HSPA12A: variants seen among roughly 807,000 people sequenced by gnomAD.
HSPA12A encodes heat shock protein family A (Hsp70) member 12A.
Under a neutral mutation model 69.2 loss-of-function variants are expected in HSPA12A, and 28 were observed. That is an observed-to-expected ratio of 0.40 (90% CI 0.30 to 0.55). The LOEUF (loss-of-function observed/expected upper bound fraction) is 0.55, where lower values mean the gene tolerates loss of function less well. Ranked by LOEUF, HSPA12A falls within the 20% of genes least tolerant of loss-of-function variation. The pLI is 0.38. For synonymous variants in HSPA12A, 345 were observed against 370.5 expected, an observed-to-expected ratio of 0.93 and a Z score of 0.79; for missense variants, 686 against 900.7, an observed-to-expected ratio of 0.76 and a Z score of 3.05.
chr10:116,801,177 A>C (rs1844947859), intron 2 of HSPA12A, among the ~76,000 whole-genome samples: 1 of 152,248 alleles, frequency 6.6e-6, no homozygotes, highest in African/African-American at 2.4e-5. Context: ...ATCCAGAACA[A>C]ACATGTGCAT....
At chr10:116,825,699 G>A (rs1421242177) in intron 2 of HSPA12A, among the ~76,000 whole-genome samples, 2 of 152,188 alleles carry the variant, frequency 1.3e-5, no homozygotes, top group Non-Finnish European at 2.9e-5. Flanking sequence ...GGCTGGGATT[G>A]GTGGGGGAAA....
At chr10:116,820,387 C>T (rs943073853) in intron 2 of HSPA12A, among the ~76,000 whole-genome samples, 1 of 152,164 alleles carries the variant, frequency 6.6e-6, no homozygotes, top group South Asian at 2.1e-4. Flanking sequence ...ACTGTGATCA[C>T]CTGGTCAGGG....
intron 2 of HSPA12A, among the ~76,000 whole-genome samples, chr10:116,802,173 G>A (rs970470430): frequency 6.6e-6 from 1 of 152,038 alleles, no homozygotes; most frequent in African/African-American, 2.4e-5. Flanking sequence ...GTGTATATGG[G>A]GTGTTCTTTA....
chr10:116,681,747 C>G (rs921516465), intron 8 of HSPA12A, 44 bp downstream of exon 8: 11 of 1,558,352 alleles, frequency 7.1e-6, no homozygotes, highest in Non-Finnish European at 9.7e-6. Context: ...TCACGAGCAG[C>G]ACAGGAAAAT....
At chr10:116,783,609 G>T (rs1844512148) in intron 2 of HSPA12A, among the ~76,000 whole-genome samples, 2 of 152,188 alleles carry the variant, frequency 1.3e-5, no homozygotes, top group African/African-American at 4.8e-5. Context: ...CACATAAACT[G>T]GGGCACATTC....
intron 2 of HSPA12A, among the ~76,000 whole-genome samples, chr10:116,778,624 G>C (rs1227286549): frequency 2.0e-5 from 3 of 152,188 alleles, no homozygotes; most frequent in Non-Finnish European, 4.4e-5. Flanking sequence ...GTCCAGGCTG[G>C]GCATGGAGGC....
intron 2 of HSPA12A, among the ~76,000 whole-genome samples, chr10:116,810,509 C>T (rs929300742): frequency 1.3e-5 from 2 of 152,090 alleles, no homozygotes; most frequent in Non-Finnish European, 2.9e-5. Flanking sequence ...ATATACAGTT[C>T]GTATAAGCAC....
chr10:116,801,056 A>G (rs1844945319), intron 2 of HSPA12A, among the ~76,000 whole-genome samples: 1 of 152,190 alleles, frequency 6.6e-6, no homozygotes, highest in African/African-American at 2.4e-5. Context: ...TACCAAATAA[A>G]TGAGCTATGT....
In HSPA12A at chr10:116,673,759, T is replaced by C. The variant is rs569052933; in HGVS notation, c.*1022A>G. 6.6e-6 allele frequency: 1 copy of C among 152,372 alleles called. No homozygotes were observed. The highest frequency in any genetic ancestry group is 2.1e-4 in the South Asian group (1 of 4,830). The allele number at this position is 152,372 out of a possible 1,614,324, so 9.4% of individuals were successfully genotyped here. On this transcript the variant is annotated 3_prime_UTR_variant, in exon 12 of 12. Transcript: ENST00000369209. ...ATGAAACATTGCATAGCACAGATTCTCTTCCCAAATTTCACCAATGTATTC... is the reference window on the plus strand; with the variant it reads ...ATGAAACATTGCATAGCACAGATTCCCTTCCCAAATTTCACCAATGTATTC...
At position 116,675,222 on chromosome 10, in the gene HSPA12A, C is replaced by T. The variant is rs1554877451; in HGVS notation, c.1587G>A (p.Lys529=). Reference sequence around the variant, plus strand: ...CGTAGGTGAGCGGCGACCGGCGCACCTTGATGACCGCGGGGTCCAGGCCAA... The same window carrying T: ...CGTAGGTGAGCGGCGACCGGCGCACTTTGATGACCGCGGGGTCCAGGCCAA... The part of the protein sequence containing the change: ...VLFGLDPAVI[K]VRRSPLTYGV... Residue 529 remains lysine, a synonymous_variant, in exon 12 of 12, where the codon AAG becomes AAA. Coordinates refer to ENST00000369209, the MANE Select transcript of HSPA12A (RefSeq NM_025015.3). This position sits in a 1 kb window ranked among gnomAD's most constrained non-coding sequence, Gnocchi z 5.2. 6.2e-7 allele frequency: 1 copy of T among 1,613,682 alleles called. No individual in the cohort carries two copies. Among genetic ancestry groups the T allele is most frequent in the Non-Finnish European group, 8.5e-7 (1 of 1,180,018 alleles).
chr10:116,687,222 C>A (rs1849600318), intron 6 of HSPA12A, among the ~76,000 whole-genome samples: 2 of 152,164 alleles, frequency 1.3e-5, no homozygotes, highest in South Asian at 4.1e-4. Flanking sequence ...GCCTCAGCTC[C>A]ACAGCAAAAG....
intron 2 of HSPA12A, among the ~76,000 whole-genome samples, chr10:116,800,872 C>A (rs906277253): frequency 6.6e-6 from 1 of 152,190 alleles, no homozygotes. Context: ...TTGAAAAATT[C>A]TCATTTCTCT....
At chr10:116,780,695 T>C (rs1157487835) in intron 2 of HSPA12A, among the ~76,000 whole-genome samples, 3 of 152,212 alleles carry the variant, frequency 2.0e-5, no homozygotes, top group Non-Finnish European at 4.4e-5. Flanking sequence ...AAAATTATGA[T>C]GCGTGCTTCT....
intron 2 of HSPA12A, among the ~76,000 whole-genome samples, chr10:116,798,409 G>A (rs1292909864): frequency 6.6e-6 from 1 of 152,202 alleles, no homozygotes; most frequent in African/African-American, 2.4e-5. Flanking sequence ...AGACAGACAT[G>A]TCTGCCACTT....
chr10:116,689,638 CAGAT>C (rs1190501286), intron 6 of HSPA12A, among the ~76,000 whole-genome samples: 4 of 130,134 alleles, frequency 3.1e-5, no homozygotes, highest in Non-Finnish European at 4.9e-5. Context: ...GACAGACAGA[CAGAT>C]AGATAATTAT....
At chr10:116,741,264 G>A (rs923216032) in intron 1 of HSPA12A, among the ~76,000 whole-genome samples, 12 of 152,358 alleles carry the variant, frequency 7.9e-5, no homozygotes, top group African/African-American at 2.6e-4. Context: ...TGCAGCAGAG[G>A]GTGGGGGCCG....
chr10:116,687,858 A>T (rs1849620404), intron 6 of HSPA12A, among the ~76,000 whole-genome samples: 1 of 152,174 alleles, frequency 6.6e-6, no homozygotes, highest in Non-Finnish European at 1.5e-5. Flanking sequence ...AGCACTTAAC[A>T]TATTCCGTCT....
intron 2 of HSPA12A, among the ~76,000 whole-genome samples, chr10:116,807,867 C>T (rs1487386564): frequency 6.6e-6 from 1 of 152,184 alleles, no homozygotes; most frequent in Non-Finnish European, 1.5e-5. Flanking sequence ...CATCATTCTT[C>T]AATCAGGACA....
chr10:116,773,508 C>A (rs538765311), intron 2 of HSPA12A, among the ~76,000 whole-genome samples: 1 of 152,178 alleles, frequency 6.6e-6, no homozygotes, highest in African/African-American at 2.4e-5. Flanking sequence ...GGTAACATGA[C>A]CAGGGAGCAG....
Sources: allele counts gnomAD v4.1 joint callset (sites outside exome capture counted in the v4.1 genomes callset), GRCh38; gene constraint gnomAD v4.1.1; non-coding constraint Gnocchi (gnomAD v3.1); transcripts MANE v1.5; gene names NCBI Gene and HGNC (gene_info 2026-07-23, HGNC 2026-07-21).